ALPK2: variants seen among roughly 807,000 people sequenced by gnomAD.
ALPK2 encodes the protein alpha-protein kinase 2.
A neutral mutation model predicts 163.1 loss-of-function variants in ALPK2; 127 were observed. The ratio of observed to expected loss-of-function variants is 0.78; its 90% CI spans 0.67 to 0.90. The LOEUF is 0.90. Ranked by LOEUF, ALPK2 falls within the 40% of genes least tolerant of loss-of-function variation. ALPK2 has a pLI of 0.00. For synonymous variants in ALPK2, 953 were observed against 959.1 expected (o/e 0.99, Z 0.12); for missense variants, 2,360 against 2,589.6 (o/e 0.91, Z 1.92).
At chr18:58,627,563 T>C (rs2052238696) in intron 1 of ALPK2, among the ~76,000 whole-genome samples, 1 of 152,126 alleles carries the variant, frequency 6.6e-6, no homozygotes, top group Non-Finnish European at 1.5e-5. Flanking sequence ...GGGCGGAGGT[T>C]GCAGTGAGCT....
chr18:58,495,258 C>A (rs11876372), intron 12 of ALPK2, among the ~76,000 whole-genome samples: 83,060 of 152,092 alleles, frequency 0.55, 23,124 homozygotes, highest in Admixed American at 0.63. Flanking sequence ...AAAAAGGTAA[C>A]GTTTAAAGAA....
intron 2 of ALPK2, 109 bp downstream of exon 2, chr18:58,611,580 C>T: frequency 3.1e-6 from 3 of 969,662 alleles, no homozygotes; most frequent in Non-Finnish European, 4.8e-6. Flanking sequence ...GAAAAAAAAA[C>T]TTCCAAGGTA....
chr18:58,483,282 C>T (rs1456784801), intron 12 of ALPK2, among the ~76,000 whole-genome samples: 1 of 152,222 alleles, frequency 6.6e-6, no homozygotes, highest in Admixed American at 6.5e-5. Flanking sequence ...ATTCTCCACA[C>T]TGCCAGCAGA....
At position 58,536,312 on chromosome 18, in the gene ALPK2, T is replaced by C; in HGVS notation, c.3875A>G (p.Glu1292Gly). 6.2e-7 allele frequency: 1 copy of C among 1,614,202 alleles called. No homozygotes were observed. Among genetic ancestry groups the C allele is most frequent in the Non-Finnish European group, 8.5e-7 (1 of 1,180,032 alleles). The change falls in exon 5 of 13, where the codon GAA becomes GGA. Residue 1292 changes from glutamate to glycine, a missense_variant. Coordinates refer to ENST00000361673, the MANE Select transcript of ALPK2 (RefSeq NM_052947.4). Reference protein sequence around the residue: ...DAVVPELAPSEIAALAHSPED... With the variant: ...DAVVPELAPSGIAALAHSPED... ...TGGACTGTGAGCCAATGCTGCTATT[T>C]CAGAGGGGGCCAATTCAGGCACAAC...
Position 58,578,798 on chromosome 18 carries a change from A to G in ALPK2, c.1962+16T>C, listed in dbSNP as rs1312084409. The G allele has an allele frequency of 6.3e-7, 1 of 1,589,286 alleles. No individual in the cohort carries two copies. Among genetic ancestry groups the G allele is most frequent in the African/African-American group, 1.4e-5 (1 of 70,582 alleles). On this transcript the variant is annotated intron_variant, in intron 4 of 12. Coordinates refer to ENST00000361673, the MANE Select transcript of ALPK2 (RefSeq NM_052947.4). ...GTTCTTTTTATCTCGTAATTTCTTT[A>G]AAAGAAAAGTCTTACCTGAGGAGGA...
At chr18:58,565,711 T>C (rs1355148218) in intron 4 of ALPK2, among the ~76,000 whole-genome samples, 1 of 152,126 alleles carries the variant, frequency 6.6e-6, no homozygotes, top group Non-Finnish European at 1.5e-5. Context: ...TAATCAAAAT[T>C]ATTGATATTT....
rs34939805 is a variant in ALPK2 at position 58,551,110 on chromosome 18, GA to G, written c.1963-12887del. Among the ~76,000 whole-genome samples, 689 of 146,700 alleles carry G rather than the reference GA, an allele frequency of 4.7e-3. 5 individuals are homozygous for G. Among genetic ancestry groups the G allele is most frequent in the African/African-American group, 0.016 (621 of 39,986 alleles). ...TTAGAAGGTCCCAGAAACAAAAATG[GA>G]AAAAAAAAAACCCACATTTTTTTTC... On this transcript the variant is annotated intron_variant, in intron 4 of 12. Transcript: ENST00000361673.
intron 4 of ALPK2, among the ~76,000 whole-genome samples, chr18:58,574,079 G>A (rs971453587): frequency 1.3e-5 from 2 of 152,044 alleles, no homozygotes; most frequent in Non-Finnish European, 2.9e-5. Context: ...GCAATTTTTT[G>A]GAGATAATGA....
intron 12 of ALPK2, among the ~76,000 whole-genome samples, chr18:58,497,288 T>TA (rs2051405570): frequency 6.6e-6 from 1 of 152,202 alleles, no homozygotes; most frequent in Non-Finnish European, 1.5e-5. Flanking sequence ...TCCTCCCCCT[T>TA]ACAGATGGTC....
Position 58,481,875 on chromosome 18 carries a change from G to A in ALPK2, c.6461C>T (p.Ser2154Phe), listed in dbSNP as rs1348146324. ...AGGCCCTGCCTTCTTTATTGTCATA[G>A]AGTTTGTTTGAACTTTGCTTTTCCC... ...SIGKSKVQTN[S>F]MTIKKAGPET... Residue 2154 changes from serine to phenylalanine, a missense_variant, in exon 13 of 13, where the codon TCT becomes TTT. Physicochemically the swap from Ser to Phe is radical, Grantham distance 155. Transcript: ENST00000361673. The A allele has an allele frequency of 6.2e-7, 1 of 1,614,050 alleles. No homozygotes were observed. Among genetic ancestry groups the A allele is most frequent in the East Asian group, 2.2e-5 (1 of 44,882 alleles).
intron 10 of ALPK2, among the ~76,000 whole-genome samples, chr18:58,505,219 G>C (rs922684382): frequency 1.3e-5 from 2 of 152,076 alleles, no homozygotes; most frequent in African/African-American, 4.8e-5. Context: ...CTGGAGCGGT[G>C]ATCAGATATG....
rs761580163 is a variant in ALPK2 at position 58,534,859 on chromosome 18, C to CT, written c.5327dup (p.Pro1777AlafsTer19). On this transcript the variant is annotated frameshift_variant, in exon 5 of 13. Coordinates refer to ENST00000361673, the MANE Select transcript of ALPK2 (RefSeq NM_052947.4). Reference sequence around the variant, plus strand: ...CTCTTCCTTCTCTTTTGCAAGATGGCTTTTTTGGGTCTTGTTTCTCTTCTG... The same window carrying CT: ...CTCTTCCTTCTCTTTTGCAAGATGGCTTTTTTTGGGTCTTGTTTCTCTTCTG... The CT allele has an allele frequency of 6.2e-7, 1 of 1,609,634 alleles. No individual in the cohort carries two copies.
chr18:58,485,777 A>G (rs1022882451), intron 12 of ALPK2, among the ~76,000 whole-genome samples: 1 of 144,802 alleles, frequency 6.9e-6, no homozygotes, highest in Non-Finnish European at 1.5e-5. Flanking sequence ...GTTTAATCCC[A>G]CCTGCCACTG....
At chr18:58,539,659 G>T (rs2051679981) in intron 4 of ALPK2, among the ~76,000 whole-genome samples, 3 of 152,210 alleles carry the variant, frequency 2.0e-5, no homozygotes, top group Admixed American at 2.0e-4. Context: ...GGCGGGATGG[G>T]GTTCAGGGGT....
At chr18:58,587,116 T>C (rs1300980856) in intron 3 of ALPK2, among the ~76,000 whole-genome samples, 1 of 152,204 alleles carries the variant, frequency 6.6e-6, no homozygotes, top group Admixed American at 6.5e-5. Flanking sequence ...TACCTCAACA[T>C]GCACACACAG....
chr18:58,623,615 A>C (rs2052213745), intron 1 of ALPK2, among the ~76,000 whole-genome samples: 1 of 152,126 alleles, frequency 6.6e-6, no homozygotes, highest in Non-Finnish European at 1.5e-5. Context: ...ACAGGCATGC[A>C]CCACCATGCC....
intron 4 of ALPK2, 33 bp from the exon 5 acceptor site, chr18:58,538,257 G>A: frequency 1.3e-6 from 2 of 1,572,460 alleles, no homozygotes; most frequent in African/African-American, 2.7e-5. Flanking sequence ...TAGTAGAATT[G>A]TTCATGGGAG....
intron 12 of ALPK2, among the ~76,000 whole-genome samples, chr18:58,488,603 C>T (rs992695266): frequency 2.6e-5 from 4 of 151,578 alleles, no homozygotes; most frequent in African/African-American, 9.7e-5. Flanking sequence ...GCAAGGCAAA[C>T]CCACTGAAAA....
chr18:58,574,521 T>C (rs1006628886), intron 4 of ALPK2, among the ~76,000 whole-genome samples: 10 of 151,036 alleles, frequency 6.6e-5, no homozygotes, highest in Non-Finnish European at 1.5e-4. Flanking sequence ...GACCGGTAAC[T>C]GTCTGTCTCC....
Sources: allele counts gnomAD v4.1 joint callset (sites outside exome capture counted in the v4.1 genomes callset), GRCh38; gene constraint gnomAD v4.1.1; transcripts MANE v1.5; gene names NCBI Gene and HGNC (gene_info 2026-07-23, HGNC 2026-07-21).